NUCKS1: variants seen among roughly 807,000 people sequenced by gnomAD.
NUCKS1 encodes nuclear casein kinase and cyclin dependent kinase substrate 1, also known as nuclear ubiquitous casein and cyclin-dependent kinase substrate 1.
Under a neutral mutation model 33.0 loss-of-function variants are expected in NUCKS1, and 2 were observed. The observed-to-expected ratio is 0.06, with a 90% CI of 0.02 to 0.19. NUCKS1 has a LOEUF of 0.19. Among genes scored for constraint, NUCKS1 ranks in the 10% least tolerant of loss-of-function variants. The pLI, the probability that NUCKS1 is intolerant of heterozygous loss-of-function variation, is 1.00. For missense variants in NUCKS1, 201 were observed against 293.6 expected (o/e 0.68, Z 2.31); for synonymous variants, 106 against 102.8 (o/e 1.03, Z -0.19).
chr1:205,725,175 T>G (rs1356840911), intron 3 of NUCKS1, among the ~76,000 whole-genome samples: 1 of 152,198 alleles, frequency 6.6e-6, no homozygotes, highest in African/African-American at 2.4e-5. Flanking sequence ...AGCCACCATA[T>G]CCAGCACCTA....
intron 4 of NUCKS1, among the ~76,000 whole-genome samples, chr1:205,721,301 T>C (rs1273312471): frequency 2.1e-4 from 31 of 150,910 alleles, no homozygotes; most frequent in Admixed American, 2.0e-3. Context: ...TTCTACAAAA[T>C]GTATAAAGGG....
intron 1 of NUCKS1, among the ~76,000 whole-genome samples, chr1:205,739,591 G>GC (rs1248807292): frequency 6.6e-6 from 1 of 152,000 alleles, no homozygotes; most frequent in Non-Finnish European, 1.5e-5. Context: ...TCCCACCTCA[G>GC]CCCCTACCCC....
chr1:205,736,105 C>T (rs1322074674), intron 1 of NUCKS1, among the ~76,000 whole-genome samples: 2 of 152,102 alleles, frequency 1.3e-5, no homozygotes, highest in Non-Finnish European at 2.9e-5. Flanking sequence ...GTGTGTGTCA[C>T]AACAGCCAGT....
intron 1 of NUCKS1, among the ~76,000 whole-genome samples, chr1:205,746,865 A>ACT (rs1427027391): frequency 6.6e-6 from 1 of 152,228 alleles, no homozygotes; most frequent in Non-Finnish European, 1.5e-5. Context: ...TATCAAGCAC[A>ACT]CTTAGGTTAC....
intron 1 of NUCKS1, among the ~76,000 whole-genome samples, chr1:205,743,674 C>G (rs1654238612): frequency 6.6e-6 from 1 of 152,184 alleles, no homozygotes; most frequent in Admixed American, 6.5e-5. Flanking sequence ...CACTTAACGT[C>G]ACTGATAGGC....
intron 1 of NUCKS1, among the ~76,000 whole-genome samples, chr1:205,740,291 CA>C (rs1465031737): frequency 2.0e-5 from 3 of 152,030 alleles, no homozygotes; most frequent in Admixed American, 6.6e-5. Flanking sequence ...AGGCGTAAAC[CA>C]CCACACCTGG....
At chr1:205,734,575 CATG>C (rs1220981720) in intron 1 of NUCKS1, among the ~76,000 whole-genome samples, 6 of 151,842 alleles carry the variant, frequency 4.0e-5, no homozygotes, top group Non-Finnish European at 5.9e-5. Context: ...AAGGGCCATT[CATG>C]ATGACTCATA....
In NUCKS1 at chr1:205,719,569, T is replaced by G; in HGVS notation, c.490A>C (p.Arg164=). 6.2e-7 allele frequency: 1 copy of G among 1,612,536 alleles called. No individual in the cohort carries two copies. Among genetic ancestry groups the G allele is most frequent in the Non-Finnish European group, 8.5e-7 (1 of 1,179,708 alleles). ...GGTTTGGGCATTTTCTTTTCTTTTC[T>G]TTCAGGTTTGGACTTCTTAACCATC... ...KKMVKKSKPE[R]KEKKMPKPRL... Residue 164 remains arginine (R), a synonymous_variant, in exon 6 of 7, where the codon AGA becomes CGA. Coordinates refer to ENST00000367142, the MANE Select transcript of NUCKS1 (RefSeq NM_022731.5).
At chr1:205,722,985 G>A (rs1202673993) in intron 4 of NUCKS1, among the ~76,000 whole-genome samples, 2 of 152,208 alleles carry the variant, frequency 1.3e-5, no homozygotes. Flanking sequence ...TATTTATCTA[G>A]AAGTGCTCAA....
rs1196583249 is a variant in NUCKS1, at chr1:205,715,771, A to G, written c.*2509T>C. 1 of 152,216 alleles carries G rather than the reference A, an allele frequency of 6.6e-6. No individual in the cohort carries two copies. The allele number at this position is 152,216 out of a possible 1,614,324, so 9.4% of individuals were successfully genotyped here. On this transcript the variant is annotated 3_prime_UTR_variant, in exon 7 of 7. Transcript: ENST00000367142. Reference sequence around the variant, plus strand: ...GTGAATGCTATTGCCATTTCACCATAGGCACACTAGAGAAAAAGAGGAAGG... The same window carrying G: ...GTGAATGCTATTGCCATTTCACCATGGGCACACTAGAGAAAAAGAGGAAGG...
chr1:205,719,908 T>C (rs1445799210), intron 5 of NUCKS1, among the ~76,000 whole-genome samples: 7 of 152,204 alleles, frequency 4.6e-5, no homozygotes, highest in Admixed American at 4.6e-4. Flanking sequence ...GTTTGAAAAG[T>C]AGATTGAAAA....
At chr1:205,742,697 C>T (rs1036227647) in intron 1 of NUCKS1, among the ~76,000 whole-genome samples, 12 of 152,014 alleles carry the variant, frequency 7.9e-5, no homozygotes, top group African/African-American at 2.9e-4. Flanking sequence ...TGGTGGCGGG[C>T]GCCTGTAGTC....
At chr1:205,744,520 C>T (rs912078805) in intron 1 of NUCKS1, among the ~76,000 whole-genome samples, 60 of 150,464 alleles carry the variant, frequency 4.0e-4, no homozygotes, top group African/African-American at 1.4e-3. Context: ...TTTAGAAATC[C>T]AAAAAGTTCT....
At chr1:205,749,338 G>T (rs7546199) in intron 1 of NUCKS1, among the ~76,000 whole-genome samples, 2 of 152,086 alleles carry the variant, frequency 1.3e-5, no homozygotes, top group African/African-American at 2.4e-5. Context: ...TGCCCGGGGG[G>T]AAAAAAACGG....
At chr1:205,741,124 G>C (rs1376272660) in intron 1 of NUCKS1, among the ~76,000 whole-genome samples, 2 of 151,016 alleles carry the variant, frequency 1.3e-5, no homozygotes, top group Non-Finnish European at 3.0e-5. Flanking sequence ...CACGGTGAAA[G>C]CCCGTCTCTA....
intron 1 of NUCKS1, among the ~76,000 whole-genome samples, chr1:205,746,480 CACACACACTA>C (rs1386386678): frequency 1.9e-3 from 276 of 144,014 alleles, no homozygotes; most frequent in African/African-American, 3.9e-3. Context: ...CACACACACA[CACACACACTA>C]GAGAATAAGA....
Position 205,717,336 on chromosome 1 carries a change from T to C in NUCKS1, c.*944A>G. ...TTATTTGCTTAAAACCTAAACATTGTCAGTTTGAAAAGAAATCCACTGTGA... is the reference window on the plus strand; with the variant it reads ...TTATTTGCTTAAAACCTAAACATTGCCAGTTTGAAAAGAAATCCACTGTGA... On this transcript the variant is annotated 3_prime_UTR_variant, in exon 7 of 7. Coordinates refer to ENST00000367142, the MANE Select transcript of NUCKS1 (RefSeq NM_022731.5). The C allele has an allele frequency of 1.0e-6, 1 of 987,290 alleles. No individual in the cohort carries two copies. The highest frequency in any genetic ancestry group is 1.2e-6 in the Non-Finnish European group (1 of 829,988). The allele number at this position is 987,290 out of a possible 1,614,324, so 61.2% of individuals were successfully genotyped here.
Position 205,718,062 on chromosome 1 carries a change from C to T in NUCKS1, c.*218G>A. The stretch of plus-strand genomic sequence containing the variant: ...AATAGACAAAAAGGTAACTTAAACA[C>T]TTACACATACAATGGTTTGCTTTAA... On this transcript the variant is annotated 3_prime_UTR_variant, in exon 7 of 7. Coordinates refer to ENST00000367142, the MANE Select transcript of NUCKS1 (RefSeq NM_022731.5). 9 of 1,178,732 alleles carry T rather than the reference C, an allele frequency of 7.6e-6. No homozygotes were observed. The highest frequency in any genetic ancestry group is 8.4e-6 in the Non-Finnish European group (8 of 955,390). 73.0% of individuals were successfully genotyped at this position (1,178,732 alleles called of 1,614,324 possible).
chr1:205,734,568 G>T (rs1163650335), intron 1 of NUCKS1, among the ~76,000 whole-genome samples: 1 of 151,756 alleles, frequency 6.6e-6, no homozygotes, highest in Non-Finnish European at 1.5e-5. Flanking sequence ...TGATAACAAG[G>T]GCCATTCATG....
Sources: gnomAD v4.1 joint callset for allele counts (sites outside exome capture counted in the v4.1 genomes callset) on GRCh38, gnomAD v4.1.1 for gene constraint, MANE v1.5 for transcripts, NCBI Gene and HGNC (gene_info 2026-07-23, HGNC 2026-07-21) for gene names.